The following SPOCK3 variants were observed in gnomAD, a reference collection of about 807,000 sequenced individuals.
SPOCK3 encodes testican-3.
SPOCK3 carries 30 observed loss-of-function variants against 56.6 expected under a neutral mutation model. That is an observed-to-expected ratio of 0.53 (90% CI 0.40 to 0.72). The LOEUF (loss-of-function observed/expected upper bound fraction) is 0.72, where lower values mean the gene tolerates loss of function less well. SPOCK3 is among the 30% of genes least tolerant of loss of function. The pLI, the probability that SPOCK3 is intolerant of heterozygous loss-of-function variation, is 0.00. For missense variants in SPOCK3, 527 were observed against 530.0 expected (o/e 0.99, Z 0.06); for synonymous variants, 196 against 183.3 (o/e 1.07, Z -0.56).
intron 2 of SPOCK3, among the ~76,000 whole-genome samples, chr4:167,232,014 A>G (rs1737225058): frequency 6.6e-6 from 1 of 151,418 alleles, no homozygotes; most frequent in Non-Finnish European, 1.5e-5. Context: ...TTTATGTACA[A>G]TTTTGATGGA....
At chr4:166,976,935 AAATT>A (rs1172127854) in intron 4 of SPOCK3, among the ~76,000 whole-genome samples, 1 of 151,694 alleles carries the variant, frequency 6.6e-6, no homozygotes, top group African/African-American at 2.4e-5. Flanking sequence ...TTTAATAATT[AAATT>A]TATTTAAAAT....
At chr4:167,116,713 GTA>G (rs1483043979) in intron 2 of SPOCK3, among the ~76,000 whole-genome samples, 1 of 125,992 alleles carries the variant, frequency 7.9e-6, no homozygotes, top group East Asian at 2.2e-4. Flanking sequence ...TACGTATATA[GTA>G]TATATGTATA....
chr4:167,168,292 C>T (rs937669343), intron 2 of SPOCK3, among the ~76,000 whole-genome samples: 3 of 152,082 alleles, frequency 2.0e-5, no homozygotes, highest in African/African-American at 7.2e-5. Context: ...GAAGTTGGAA[C>T]TGTTTGGAGG....
chr4:167,217,907 T>A (rs1487700171), intron 2 of SPOCK3, among the ~76,000 whole-genome samples: 12 of 146,094 alleles, frequency 8.2e-5, no homozygotes, highest in Non-Finnish European at 5.9e-5. Context: ...AATATACAGT[T>A]TCATTAAAGT....
chr4:167,229,363 T>C (rs1256385102), intron 2 of SPOCK3, among the ~76,000 whole-genome samples: 1 of 152,132 alleles, frequency 6.6e-6, no homozygotes, highest in East Asian at 1.9e-4. Context: ...CTAAACAAAG[T>C]ACTGAGAGAG....
intron 4 of SPOCK3, 72 bp downstream of exon 4, chr4:167,000,277 T>G (rs2150127340): frequency 1.4e-6 from 1 of 713,464 alleles, no homozygotes; most frequent in South Asian, 2.0e-5. Flanking sequence ...CACTGCCAAA[T>G]ATTTATACTC....
chr4:166,971,529 T>C (rs1745387854), intron 4 of SPOCK3, among the ~76,000 whole-genome samples: 1 of 152,052 alleles, frequency 6.6e-6, no homozygotes, highest in African/African-American at 2.4e-5. Context: ...GAGAAAGTAT[T>C]TTTTCAATTA....
intron 6 of SPOCK3, among the ~76,000 whole-genome samples, chr4:166,807,470 G>A (rs190058234): frequency 6.6e-6 from 1 of 152,242 alleles, no homozygotes; most frequent in East Asian, 1.9e-4. Context: ...CTGTTGCTAT[G>A]CATGTTGTGT....
At chr4:167,010,406 C>A (rs1749915769) in intron 3 of SPOCK3, among the ~76,000 whole-genome samples, 1 of 150,852 alleles carries the variant, frequency 6.6e-6, no homozygotes, top group Non-Finnish European at 1.5e-5. Context: ...GTAGTCCCAG[C>A]TACTCAGAAA....
intron 2 of SPOCK3, among the ~76,000 whole-genome samples, chr4:167,225,033 T>C (rs761526371): frequency 2.6e-5 from 4 of 152,174 alleles, no homozygotes; most frequent in Non-Finnish European, 5.9e-5. Flanking sequence ...CAAACAGTTA[T>C]GAAAACAGAA....
chr4:167,011,146 G>A (rs916008024), intron 3 of SPOCK3: 74 of 345,226 alleles, frequency 2.1e-4, no homozygotes, highest in African/African-American at 1.5e-3. Context: ...AACCTCTTAA[G>A]GGTTCTTGAG....
At chr4:166,858,445 C>T (rs958864009) in intron 6 of SPOCK3, among the ~76,000 whole-genome samples, 6 of 152,146 alleles carry the variant, frequency 3.9e-5, no homozygotes, top group African/African-American at 1.4e-4. Flanking sequence ...TTTTATGGTA[C>T]TTATTTGCCT....
rs184093332 is a variant in SPOCK3 at position 167,170,078 on chromosome 4, G to T, written c.189+63907C>A. ...CAAGTATCTCTTTATTAGCAGCTGAGAATGGACTAATACAAACAGTATATT... is the reference window on the plus strand; with the variant it reads ...CAAGTATCTCTTTATTAGCAGCTGATAATGGACTAATACAAACAGTATATT... On this transcript the variant is annotated intron_variant, in intron 2 of 10. Coordinates refer to ENST00000357545, the MANE Select transcript of SPOCK3 (RefSeq NM_001040159.2). Among the ~76,000 whole-genome samples, 281 of 152,174 alleles carry T rather than the reference G, an allele frequency of 1.8e-3. 1 individual carries two copies. Among genetic ancestry groups the T allele is most frequent in the African/African-American group, 6.0e-3 (249 of 41,516 alleles).
chr4:167,222,922 T>C (rs192269767), intron 2 of SPOCK3, among the ~76,000 whole-genome samples: 2,153 of 124,488 alleles, frequency 0.017, 91 homozygotes, highest in Non-Finnish European at 0.025. Context: ...TATGTTTATA[T>C]ATGAATATAT....
chr4:166,743,715 C>T (rs887802069), intron 8 of SPOCK3, among the ~76,000 whole-genome samples: 4 of 152,148 alleles, frequency 2.6e-5, no homozygotes, highest in East Asian at 1.9e-4. Context: ...CAAGGGAAGC[C>T]GTGATAGACG....
intron 8 of SPOCK3, among the ~76,000 whole-genome samples, 187 bp from the exon 9 acceptor site, chr4:166,742,246 T>C (rs1374401372): frequency 1.1e-5 from 1 of 90,696 alleles, no homozygotes; most frequent in Non-Finnish European, 2.3e-5. Flanking sequence ...TCTATCTATC[T>C]ATCTATCTAT....
intron 5 of SPOCK3, among the ~76,000 whole-genome samples, chr4:166,903,289 C>G (rs1736257691): frequency 6.6e-6 from 1 of 151,510 alleles, no homozygotes; most frequent in Non-Finnish European, 1.5e-5. Flanking sequence ...TTGAGGCTTC[C>G]AAGTCTTGGT....
chr4:166,956,942 T>C (rs1743563905), intron 4 of SPOCK3, among the ~76,000 whole-genome samples: 1 of 152,172 alleles, frequency 6.6e-6, no homozygotes, highest in South Asian at 2.1e-4. Context: ...CCTTGCACTC[T>C]TGCAGTTGTA....
chr4:166,950,784 C>T (rs1256408758), intron 4 of SPOCK3, among the ~76,000 whole-genome samples: 1 of 149,972 alleles, frequency 6.7e-6, no homozygotes, highest in Non-Finnish European at 1.5e-5. Context: ...AAGAATCTCA[C>T]TCAAAACCGC....
Sources: gnomAD v4.1 joint callset for allele counts (sites outside exome capture counted in the v4.1 genomes callset) on GRCh38, gnomAD v4.1.1 for gene constraint, MANE v1.5 for transcripts, NCBI Gene and HGNC (gene_info 2026-07-23, HGNC 2026-07-21) for gene names.